Variants in SLC6A11 observed in about 807,000 individuals in gnomAD.
SLC6A11 encodes sodium- and chloride-dependent GABA transporter 3.
In SLC6A11, 25 loss-of-function variants were observed where a neutral mutation model predicts 74.8. The ratio of observed to expected loss-of-function variants is 0.33; its 90% CI spans 0.24 to 0.47. SLC6A11 has a LOEUF of 0.47. SLC6A11 is among the 20% of genes least tolerant of loss of function. The pLI is 1.00. For missense variants in SLC6A11, 574 were observed against 837.0 expected, an observed-to-expected ratio of 0.69 and a Z score of 3.88; for synonymous variants, 330 against 330.2, an observed-to-expected ratio of 1.00 and a Z score of 0.01.
chr3:10,907,633 T>A lies in SLC6A11; in HGVS notation c.892-4457T>A, dbSNP rs549225874. 6.0e-4 allele frequency among the ~76,000 whole-genome samples: 92 copies of A among 152,292 alleles called. 1 individual carries two copies. The highest frequency in any genetic ancestry group is 2.2e-3 in the African/African-American group (91 of 41,566). On this transcript the variant is annotated intron_variant, in intron 6 of 13. Transcript: ENST00000254488. Reference sequence around the variant, plus strand: ...CTGTTGGACATCCAAACCAAAAGAATAAGTGCTTTATAAGGGGAAGCAAGT... The same window carrying A: ...CTGTTGGACATCCAAACCAAAAGAAAAAGTGCTTTATAAGGGGAAGCAAGT...
intron 5 of SLC6A11, among the ~76,000 whole-genome samples, chr3:10,873,966 TGCTATGCTAC>T (rs1694876043): frequency 7.7e-6 from 1 of 130,020 alleles, no homozygotes; most frequent in African/African-American, 3.8e-5. Flanking sequence ...TGCTACGCTA[TGCTATGCTAC>T]GCTACGCTAC....
At chr3:10,872,392 G>A (rs981122234) in intron 5 of SLC6A11, among the ~76,000 whole-genome samples, 13 of 152,094 alleles carry the variant, frequency 8.5e-5, no homozygotes, top group South Asian at 4.2e-4. Flanking sequence ...TCTTTTTCCC[G>A]TCTTCCTTCC....
chr3:10,837,732 A>G (rs1694384495), intron 4 of SLC6A11, among the ~76,000 whole-genome samples: 1 of 152,154 alleles, frequency 6.6e-6, no homozygotes, highest in African/African-American at 2.4e-5. Flanking sequence ...GCGTGGACTG[A>G]ATGAGTGTGT....
chr3:10,916,536 C>T (rs1386933558), intron 7 of SLC6A11, among the ~76,000 whole-genome samples: 3 of 152,128 alleles, frequency 2.0e-5, no homozygotes, highest in Admixed American at 1.3e-4. Context: ...GGGTCCAGGC[C>T]GAAGGGGTAG....
At chr3:10,909,008 G>A (rs1203576063) in intron 6 of SLC6A11, among the ~76,000 whole-genome samples, 1 of 151,090 alleles carries the variant, frequency 6.6e-6, no homozygotes. Context: ...GTCTGCCTTT[G>A]CTCTAGACTC....
At chr3:10,819,417 A>G in intron 1 of SLC6A11, 48 bp from the exon 2 acceptor site, 21 of 1,567,610 alleles carry the variant, frequency 1.3e-5, no homozygotes, top group Non-Finnish European at 1.8e-5. Context: ...TGAGCCAAGT[A>G]TGAATCGGCA....
At position 10,918,884 on chromosome 3, in the gene SLC6A11, T is replaced by A. The variant is rs1057504662; in HGVS notation, c.1120+431T>A. 1.3e-5 allele frequency among the ~76,000 whole-genome samples: 2 copies of A among 152,076 alleles called. No individual in the cohort carries two copies. Among genetic ancestry groups the A allele is most frequent in the Non-Finnish European group, 2.9e-5 (2 of 68,010 alleles). ...AACATGTCTTCTCTGATGAAAAGCC[T>A]TTCTTGGCTTCTCATAGTGCTGGAC... On this transcript the variant is annotated intron_variant, in intron 8 of 13. Transcript: ENST00000254488. The surrounding 1 kb of genome is among the most constrained non-coding windows in gnomAD (Gnocchi z 4.5).
intron 5 of SLC6A11, among the ~76,000 whole-genome samples, chr3:10,873,645 C>CA: frequency 6.8e-6 from 1 of 147,248 alleles, no homozygotes; most frequent in Non-Finnish European, 1.5e-5. Flanking sequence ...CTGTCCTGTC[C>CA]TGTCCATCTA....
At chr3:10,851,275 C>T (rs912060686) in intron 5 of SLC6A11, among the ~76,000 whole-genome samples, 6 of 152,204 alleles carry the variant, frequency 3.9e-5, no homozygotes, top group South Asian at 2.1e-4. Context: ...GTCCCTTCCC[C>T]GCCTCCTCCT....
chr3:10,826,833 T>C (rs1559552811), intron 4 of SLC6A11, among the ~76,000 whole-genome samples: 1 of 152,234 alleles, frequency 6.6e-6, no homozygotes, highest in Non-Finnish European at 1.5e-5. Flanking sequence ...ATCCATATTA[T>C]CCATTCATTT....
chr3:10,899,446 CA>C (rs1695210900), intron 6 of SLC6A11, among the ~76,000 whole-genome samples: 1 of 152,208 alleles, frequency 6.6e-6, no homozygotes, highest in Non-Finnish European at 1.5e-5. Context: ...GTATGACTAC[CA>C]TAAGCATTTT....
At position 10,918,290 on chromosome 3, in the gene SLC6A11, C is replaced by A; in HGVS notation, c.996-39C>A. On this transcript the variant is annotated intron_variant, in intron 7 of 13. Transcript: ENST00000254488. This position sits in a 1 kb window ranked among gnomAD's most constrained non-coding sequence, Gnocchi z 4.5. ...ACGTTTGAGCCGTGCACCGGTTCTGCCCGCTCTGACCCTAGTGCCTCTCGC... is the reference window on the plus strand; with the variant it reads ...ACGTTTGAGCCGTGCACCGGTTCTGACCGCTCTGACCCTAGTGCCTCTCGC... 6.5e-7 allele frequency: 1 copy of A among 1,535,444 alleles called. No homozygotes were observed. Among genetic ancestry groups the A allele is most frequent in the Non-Finnish European group, 8.7e-7 (1 of 1,143,056 alleles).
intron 5 of SLC6A11, among the ~76,000 whole-genome samples, chr3:10,874,428 T>C (rs1458522494): frequency 6.6e-6 from 1 of 152,190 alleles, no homozygotes; most frequent in Non-Finnish European, 1.5e-5. Context: ...TACTTCTTGT[T>C]GCTGCACCAG....
intron 6 of SLC6A11, among the ~76,000 whole-genome samples, chr3:10,902,700 A>C (rs1695255493): frequency 6.6e-6 from 1 of 152,238 alleles, no homozygotes; most frequent in African/African-American, 2.4e-5. Context: ...AAGCTCCTGC[A>C]AGGCTCAAAG....
chr3:10,911,923 A>T (rs564141253), intron 6 of SLC6A11, among the ~76,000 whole-genome samples, 167 bp from the exon 7 acceptor site: 2 of 152,296 alleles, frequency 1.3e-5, no homozygotes, highest in South Asian at 4.1e-4. Context: ...GGTCCCCAAG[A>T]ATAGAACTCT....
chr3:10,864,474 G>T (rs3774110), intron 5 of SLC6A11, among the ~76,000 whole-genome samples: 28,606 of 151,600 alleles, frequency 0.19, 3,408 homozygotes, highest in South Asian at 0.34. Context: ...CAGGTTCCTG[G>T]CACATCCGAA....
intron 6 of SLC6A11, among the ~76,000 whole-genome samples, chr3:10,885,832 TC>T (rs1373961574): frequency 6.6e-6 from 1 of 152,116 alleles, no homozygotes; most frequent in East Asian, 1.9e-4. Context: ...TCTATTCTAC[TC>T]ATCTCTGTAG....
chr3:10,817,649 G>A (rs1694080796), intron 1 of SLC6A11, among the ~76,000 whole-genome samples: 1 of 152,234 alleles, frequency 6.6e-6, no homozygotes, highest in African/African-American at 2.4e-5. Flanking sequence ...ACCGGGCTAT[G>A]AGTCTGTGCA....
At chr3:10,894,880 C>T (rs1008084126) in intron 6 of SLC6A11, among the ~76,000 whole-genome samples, 1 of 152,164 alleles carries the variant, frequency 6.6e-6, no homozygotes, top group African/African-American at 2.4e-5. Flanking sequence ...GATTTCAAAA[C>T]ATCATGTCTA....
Sources: allele counts gnomAD v4.1 joint callset (sites outside exome capture counted in the v4.1 genomes callset), GRCh38; gene constraint gnomAD v4.1.1; non-coding constraint Gnocchi (gnomAD v3.1); transcripts MANE v1.5; gene names NCBI Gene and HGNC (gene_info 2026-07-23, HGNC 2026-07-21).